NSDHL: variants seen among roughly 807,000 people sequenced by gnomAD.
The protein encoded by NSDHL is NAD(P) dependent 3-beta-hydroxysteroid dehydrogenase NSDHL.
A neutral mutation model predicts 23.0 loss-of-function variants in NSDHL; 1 was observed. That is an observed-to-expected ratio of 0.04 (90% confidence interval 0.02 to 0.21). NSDHL has a LOEUF of 0.21. NSDHL is among the 10% of genes least tolerant of loss of function. The probability of loss-of-function intolerance (pLI) is 1.00; values close to 1 mark genes in which losing one functional copy is unlikely to be tolerated. For missense variants in NSDHL, 237 were observed against 300.9 expected, an observed-to-expected ratio of 0.79 and a Z score of 1.57; for synonymous variants, 128 against 121.1, an observed-to-expected ratio of 1.06 and a Z score of -0.37.
intron 2 of NSDHL, among the ~76,000 whole-genome samples, chrX:152,847,290 G>T (rs1194835946): frequency 8.9e-6 from 1 of 111,997 alleles, no homozygotes; most frequent in African/African-American, 3.2e-5. Context: ...GCGACAGAGC[G>T]AGACTCTGTC....
chrX:152,833,652 G>C (rs1184343881), intron 1 of NSDHL, among the ~76,000 whole-genome samples: 1 of 112,114 alleles, frequency 8.9e-6, no homozygotes, highest in African/African-American at 3.2e-5. Context: ...GACACCATGC[G>C]CTCTGTTTTA....
intron 1 of NSDHL, among the ~76,000 whole-genome samples, chrX:152,840,368 T>C (rs2058101715): frequency 8.9e-6 from 1 of 112,495 alleles, no homozygotes; most frequent in African/African-American, 3.2e-5. Context: ...TGTGATCCTT[T>C]GGAGGAGAAG....
intron 1 of NSDHL, among the ~76,000 whole-genome samples, chrX:152,832,026 C>A (rs1224258672): frequency 3.6e-5 from 4 of 111,529 alleles, no homozygotes; most frequent in African/African-American, 1.3e-4. Flanking sequence ...AGAGTTCTCA[C>A]TGTGATCTCC....
chrX:152,842,091 T>C (rs1035948593), intron 1 of NSDHL, among the ~76,000 whole-genome samples: 3 of 112,646 alleles, frequency 2.7e-5, no homozygotes, highest in Non-Finnish European at 3.7e-5. Flanking sequence ...GGCTAGACCA[T>C]ATTTTGTTTA....
intron 1 of NSDHL, among the ~76,000 whole-genome samples, chrX:152,834,464 A>G (rs1933061155): frequency 8.8e-6 from 1 of 113,018 alleles, no homozygotes; most frequent in South Asian, 3.6e-4. Context: ...CAGCATAATC[A>G]AGGCTAAAGT....
rs782132957 is a variant in NSDHL at position 152,850,277 on chromosome X, A to T, written c.121A>T (p.Thr41Ser). 1 of 1,211,715 alleles carries T rather than the reference A, an allele frequency of 8.3e-7. No individual in the cohort carries two copies. The highest frequency in any genetic ancestry group is 1.8e-5 in the South Asian group (1 of 56,978). The part of the protein sequence containing the change: ...KVNQNQAKRC[T>S]VIGGSGFLGQ... Reference sequence around the variant, plus strand: ...TCTCTTTCCACAGGCCAAGAGATGCACAGTGATCGGTGGCTCTGGATTCCT... The same window carrying T: ...TCTCTTTCCACAGGCCAAGAGATGCTCAGTGATCGGTGGCTCTGGATTCCT... The change falls in exon 3 of 8, where the codon ACA becomes TCA. Residue 41 changes from threonine to serine, a missense_variant. Thr to Ser is a moderately conservative substitution (Grantham distance 58, BLOSUM62 1). Coordinates refer to ENST00000370274, the MANE Select transcript of NSDHL (RefSeq NM_015922.3).
At chrX:152,853,173 C>T (rs1933387063) in intron 3 of NSDHL, among the ~76,000 whole-genome samples, 1 of 98,595 alleles carries the variant, frequency 1.0e-5, no homozygotes, top group African/African-American at 3.9e-5. Flanking sequence ...GTGTGTATGC[C>T]TGCTGGACAT....
At position 152,869,147 on chromosome X, in the gene NSDHL, G is replaced by A. The variant is rs1401086913; in HGVS notation, c.*31G>A. On this transcript the variant is annotated 3_prime_UTR_variant, in exon 8 of 8. Transcript: ENST00000370274. ...ACTGGAGGCTGGGCTCTCTCGACAC[G>A]TTGCTCAGCCAGTCACTCCTTCCCC... The A allele has an allele frequency of 2.9e-5, 32 of 1,100,402 alleles. No homozygotes were observed. Among genetic ancestry groups the A allele is most frequent in the African/African-American group, 5.4e-5 (3 of 55,348 alleles). The allele number at this position is 1,100,402 out of a possible 1,213,427, so 90.7% of individuals were successfully genotyped here.
intron 7 of NSDHL, 22 bp from the exon 8 acceptor site, chrX:152,868,762 C>T (rs782778571): frequency 1.7e-6 from 2 of 1,186,997 alleles, no homozygotes; most frequent in East Asian, 3.0e-5. Flanking sequence ...TTTCTAACTT[C>T]TTGTTCTTGT....
chrX:152,856,183 C>T (rs1402123653), intron 3 of NSDHL, among the ~76,000 whole-genome samples: 1 of 111,544 alleles, frequency 9.0e-6, no homozygotes, highest in Non-Finnish European at 1.9e-5. Flanking sequence ...TCTGGGATGG[C>T]GCTGTCCATT....
chrX:152,840,260 C>T (rs1294609422), intron 1 of NSDHL, among the ~76,000 whole-genome samples: 1 of 112,327 alleles, frequency 8.9e-6, no homozygotes, highest in East Asian at 2.8e-4. Flanking sequence ...GTTCCTTTAG[C>T]TCAGAGAAGT....
chrX:152,850,693 A>G (rs782228784), intron 3 of NSDHL, among the ~76,000 whole-genome samples: 72 of 112,552 alleles, frequency 6.4e-4, no homozygotes, highest in African/African-American at 2.3e-3. Context: ...TGCCAGTGAA[A>G]CTTGACTTCA....
intron 3 of NSDHL, among the ~76,000 whole-genome samples, chrX:152,857,727 T>C (rs1212241432): frequency 1.8e-5 from 2 of 111,834 alleles, no homozygotes; most frequent in Non-Finnish European, 3.8e-5. Context: ...GAACATCATA[T>C]CTGTTAAGTT....
chrX:152,863,446 C>T (rs1933559346), intron 5 of NSDHL, among the ~76,000 whole-genome samples: 1 of 112,244 alleles, frequency 8.9e-6, no homozygotes, highest in African/African-American at 3.2e-5. Flanking sequence ...ACAGCAGTTG[C>T]AAGCGTGCAG....
intron 1 of NSDHL, among the ~76,000 whole-genome samples, chrX:152,834,676 C>T (rs1279079716): frequency 8.9e-6 from 1 of 112,790 alleles, no homozygotes; most frequent in African/African-American, 3.2e-5. Context: ...CTTCTCTTTG[C>T]ATCTGATCAT....
intron 3 of NSDHL, among the ~76,000 whole-genome samples, chrX:152,852,259 G>C (rs1239269236): frequency 1.8e-5 from 2 of 111,690 alleles, no homozygotes; most frequent in Non-Finnish European, 3.8e-5. Context: ...AAGAGAGGTT[G>C]AGATTTAATT....
At chrX:152,846,236 T>TTTGAC in intron 1 of NSDHL, 46 bp from the exon 2 acceptor site, 1 of 704,580 alleles carries the variant, frequency 1.4e-6, no homozygotes, top group Non-Finnish European at 2.3e-6. Flanking sequence ...CTAAAGATGT[T>TTTGAC]TTGACTTAGG....
intron 3 of NSDHL, among the ~76,000 whole-genome samples, chrX:152,853,742 T>C (rs1387148372): frequency 2.7e-5 from 3 of 112,203 alleles, no homozygotes; most frequent in African/African-American, 9.7e-5. Flanking sequence ...CCTTTGCACT[T>C]GGTGTCCTTT....
chrX:152,864,268 G>A (rs1189405488), intron 5 of NSDHL, among the ~76,000 whole-genome samples: 1 of 112,419 alleles, frequency 8.9e-6, no homozygotes, highest in East Asian at 2.8e-4. Context: ...GGAGACACAA[G>A]GGCCACCCAG....
Sources: gnomAD v4.1 joint callset for allele counts (sites outside exome capture counted in the v4.1 genomes callset) on GRCh38, gnomAD v4.1.1 for gene constraint, MANE v1.5 for transcripts, NCBI Gene and HGNC (gene_info 2026-07-23, HGNC 2026-07-21) for gene names.